Variants in EYS observed in about 807,000 individuals in gnomAD.
EYS encodes the protein EGF-like photoreceptor maintenance factor, also known as protein eyes shut homolog.
Under a neutral mutation model 282.1 loss-of-function variants are expected in EYS, and 250 were observed. The observed-to-expected ratio is 0.89, with a 90% CI of 0.80 to 0.98. The LOEUF is 0.98. EYS is among the 50% of genes least tolerant of loss of function. The pLI is 0.00. For missense variants in EYS, 4,016 were observed against 3,709.0 expected, an observed-to-expected ratio of 1.08 and a Z score of -2.15; for synonymous variants, 1,355 against 1,282.9, an observed-to-expected ratio of 1.06 and a Z score of -1.20.
chr6:63,803,540 A>G (rs1225433695), intron 37 of EYS, among the ~76,000 whole-genome samples: 1 of 152,152 alleles, frequency 6.6e-6, no homozygotes, highest in Admixed American at 6.5e-5. Context: ...ACAAAGGGGA[A>G]TTGATGGAAG....
At position 63,982,546 on chromosome 6, in the gene EYS, A is replaced by C. The variant is rs554385503; in HGVS notation, c.7055+1837T>G. Among the ~76,000 whole-genome samples, 27 of 151,954 alleles carry C rather than the reference A, an allele frequency of 1.8e-4. 1 individual carries two copies. In the South Asian group the frequency reaches 5.6e-3, roughly 32 times the overall value. On this transcript the variant is annotated intron_variant, in intron 35 of 42. Transcript: ENST00000503581. ...CTGGAGGCTGCCTCAGTGTCTTTTC[A>C]TGTGGGTCTTCCCCAAACTGCTGTT... is the stretch of plus-strand genomic sequence containing the variant.
chr6:65,425,722 G>A (rs1050857293), intron 5 of EYS, among the ~76,000 whole-genome samples: 1 of 152,100 alleles, frequency 6.6e-6, no homozygotes, highest in African/African-American at 2.4e-5. Flanking sequence ...TGATGGACAA[G>A]TGTTTATAGT....
At chr6:65,193,810 G>A (rs919414292) in intron 12 of EYS, among the ~76,000 whole-genome samples, 8 of 151,884 alleles carry the variant, frequency 5.3e-5, no homozygotes, top group African/African-American at 1.9e-4. Flanking sequence ...AAATTTGGGG[G>A]ATGCTCAGAG....
intron 5 of EYS, among the ~76,000 whole-genome samples, chr6:65,415,031 A>C (rs1767175662): frequency 6.6e-6 from 1 of 152,134 alleles, no homozygotes; most frequent in South Asian, 2.1e-4. Flanking sequence ...TGATGTTTTA[A>C]AAATACAAAA....
intron 12 of EYS, among the ~76,000 whole-genome samples, chr6:65,059,824 C>T (rs573102132): frequency 6.6e-6 from 1 of 152,048 alleles, no homozygotes; most frequent in South Asian, 2.1e-4. Context: ...TTCCTACAGT[C>T]CTCAAGTTCC....
At chr6:64,067,882 T>C (rs1771433692) in intron 32 of EYS, among the ~76,000 whole-genome samples, 1 of 152,154 alleles carries the variant, frequency 6.6e-6, no homozygotes, top group African/African-American at 2.4e-5. Context: ...ATATTTAAAA[T>C]TTAATTACTG....
Position 65,052,915 on chromosome 6 carries a change from T to C in EYS, c.2137+4699A>G, listed in dbSNP as rs1272870427. ...TGTATTAAGGGATTTATTTTCCACA[T>C]TTATTTGTTTTTTAAAAAATGAAGA... On this transcript the variant is annotated intron_variant, in intron 13 of 42. Coordinates refer to ENST00000503581, the MANE Select transcript of EYS (RefSeq NM_001142800.2). 3.3e-5 allele frequency among the ~76,000 whole-genome samples: 5 copies of C among 151,772 alleles called. No individual in the cohort carries two copies. The East Asian group carries it at 9.7e-4, about 29-fold the overall frequency.
At chr6:65,285,125 A>T (rs1768325224) in intron 12 of EYS, among the ~76,000 whole-genome samples, 1 of 151,998 alleles carries the variant, frequency 6.6e-6, no homozygotes. Context: ...TATCTTTTAC[A>T]AAATTGAGAA....
At chr6:64,479,232 G>A (rs1259580624) in intron 26 of EYS, among the ~76,000 whole-genome samples, 1 of 151,796 alleles carries the variant, frequency 6.6e-6, no homozygotes, top group African/African-American at 2.4e-5. Flanking sequence ...TCTGAACTAT[G>A]GCAAAAACCT....
At chr6:63,895,148 TA>T (rs61327096) in intron 35 of EYS, among the ~76,000 whole-genome samples, 123,387 of 149,218 alleles carry the variant, frequency 0.83, 51,353 homozygotes, top group East Asian at 0.91. Context: ...TTGTGAGCGA[TA>T]AAAAAAAAAA....
chr6:63,731,779 CTTTG>C lies in EYS; in HGVS notation c.8072-5103_8072-5100del, dbSNP rs572288435. On this transcript the variant is annotated intron_variant, in intron 41 of 42. Coordinates refer to ENST00000503581, the MANE Select transcript of EYS (RefSeq NM_001142800.2). ...TTTTCAAAAATTAATAGTTTGTCCT[CTTTG>C]TTTGTATTTGATACACACTTTTAGC... Among the ~76,000 whole-genome samples, 10 of 152,198 alleles carry C rather than the reference CTTTG, an allele frequency of 6.6e-5. No homozygotes were observed. In the South Asian group the frequency reaches 1.7e-3, roughly 25 times the overall value.
At chr6:65,182,352 AT>A (rs982367189) in intron 12 of EYS, among the ~76,000 whole-genome samples, 2 of 151,326 alleles carry the variant, frequency 1.3e-5, no homozygotes, top group Non-Finnish European at 3.0e-5. Flanking sequence ...AAATCTTTAT[AT>A]TTTTCCAGGC....
At chr6:65,505,305 T>C (rs1766615318) in intron 2 of EYS, among the ~76,000 whole-genome samples, 1 of 151,918 alleles carries the variant, frequency 6.6e-6, no homozygotes, top group South Asian at 2.1e-4. Context: ...TTTTCTCCCT[T>C]GATTAGCCTG....
At chr6:64,357,346 A>G (rs1771857412) in intron 29 of EYS, among the ~76,000 whole-genome samples, 1 of 151,558 alleles carries the variant, frequency 6.6e-6, no homozygotes, top group African/African-American at 2.4e-5. Flanking sequence ...CACTTTAAGA[A>G]ACCACAAGTT....
intron 22 of EYS, among the ~76,000 whole-genome samples, chr6:64,643,009 A>T (rs1768213334): frequency 6.6e-6 from 1 of 150,848 alleles, no homozygotes; most frequent in Admixed American, 6.6e-5. Flanking sequence ...CAGCTACTTG[A>T]GGGGCTGAGG....
chr6:65,043,948 A>T (rs1301550134), intron 13 of EYS, among the ~76,000 whole-genome samples: 1 of 151,628 alleles, frequency 6.6e-6, no homozygotes, highest in Non-Finnish European at 1.5e-5. Context: ...TAGTTTTTTG[A>T]GGAATCTCCG....
At chr6:65,038,015 C>G (rs975104787) in intron 13 of EYS, among the ~76,000 whole-genome samples, 2 of 151,558 alleles carry the variant, frequency 1.3e-5, no homozygotes, top group Non-Finnish European at 3.0e-5. Context: ...TCAACAATAT[C>G]TACAAATTTG....
chr6:65,033,769 G>T (rs1206728176), intron 13 of EYS, among the ~76,000 whole-genome samples: 5 of 152,186 alleles, frequency 3.3e-5, no homozygotes, highest in African/African-American at 1.2e-4. Context: ...GAGGGAAAAA[G>T]TGGGGTTGGA....
At chr6:64,761,848 C>G (rs1773170845) in intron 22 of EYS, among the ~76,000 whole-genome samples, 1 of 152,088 alleles carries the variant, frequency 6.6e-6, no homozygotes, top group Non-Finnish European at 1.5e-5. Flanking sequence ...ATCACTTTCC[C>G]CATGTATAAT....
Sources: allele counts gnomAD v4.1 joint callset (sites outside exome capture counted in the v4.1 genomes callset), GRCh38; gene constraint gnomAD v4.1.1; transcripts MANE v1.5; gene names NCBI Gene and HGNC (gene_info 2026-07-23, HGNC 2026-07-21).